The following GFRA2 variants were observed in gnomAD, a reference collection of about 807,000 sequenced individuals.
GFRA2 encodes GDNF family receptor alpha-2.
In GFRA2, 17 loss-of-function variants were observed where a neutral mutation model predicts 48.3. That is an observed-to-expected ratio of 0.35 (90% CI 0.24 to 0.53). The LOEUF (loss-of-function observed/expected upper bound fraction) is 0.53, where lower values mean the gene tolerates loss of function less well. Ranked by LOEUF, GFRA2 falls within the 20% of genes least tolerant of loss-of-function variation. The pLI is 0.93. For synonymous variants in GFRA2, 305 were observed against 257.2 expected, an observed-to-expected ratio of 1.19 and a Z score of -1.78; for missense variants, 660 against 637.3, an observed-to-expected ratio of 1.04 and a Z score of -0.38.
intron 4 of GFRA2, among the ~76,000 whole-genome samples, chr8:21,749,149 C>T (rs777228846): frequency 3.3e-5 from 5 of 151,888 alleles, no homozygotes; most frequent in Admixed American, 2.6e-4. Flanking sequence ...TCAATAAATA[C>T]TTAGCAAACA....
At position 21,694,042 on chromosome 8, in the gene GFRA2, GAT is replaced by G. The variant is rs139986722; in HGVS notation, c.1272+420_1272+421del. Among the ~76,000 whole-genome samples the G allele has an allele frequency of 1.8e-3, 208 of 118,396 alleles. 5 individuals carry two copies. The highest frequency in any genetic ancestry group is 5.7e-3 in the African/African-American group (183 of 32,044). 77.7% of individuals were successfully genotyped at this position (118,396 alleles called of 152,430 possible). On this transcript the variant is annotated intron_variant, in intron 8 of 8. Coordinates refer to ENST00000524240, the MANE Select transcript of GFRA2 (RefSeq NM_001495.5). ...ATTTATATATACGTCATATATATGA[GAT>G]ATATATATATTTATATATATATTTA...
At chr8:21,720,745 C>G (rs78857517) in intron 4 of GFRA2, among the ~76,000 whole-genome samples, 3,284 of 152,250 alleles carry the variant, frequency 0.022, 106 homozygotes, top group African/African-American at 0.074. Flanking sequence ...CCTCAGGTAC[C>G]AGGTCTTCCA....
At chr8:21,796,930 C>T (rs1211908986) in intron 2 of GFRA2, among the ~76,000 whole-genome samples, 2 of 152,178 alleles carry the variant, frequency 1.3e-5, no homozygotes, top group Non-Finnish European at 2.9e-5. Flanking sequence ...TGCAAGTTTG[C>T]CTCCCTTGGG....
intron 5 of GFRA2, among the ~76,000 whole-genome samples, chr8:21,705,383 T>G (rs1037955414): frequency 3.3e-5 from 5 of 152,156 alleles, no homozygotes; most frequent in African/African-American, 1.2e-4. Context: ...GAAGATGCCC[T>G]GGAGCCCCTC....
intron 1 of GFRA2, among the ~76,000 whole-genome samples, chr8:21,786,739 G>A (rs1243989560): frequency 2.0e-5 from 3 of 152,202 alleles, no homozygotes; most frequent in Non-Finnish European, 2.9e-5. Context: ...CAGGCAGAGA[G>A]TCCAGAGCCT....
At chr8:21,730,017 G>C (rs1004690061) in intron 4 of GFRA2, among the ~76,000 whole-genome samples, 12 of 152,066 alleles carry the variant, frequency 7.9e-5, no homozygotes, top group Non-Finnish European at 1.8e-4. Context: ...GGAGCTGCAG[G>C]GTGGACCTCG....
chr8:21,783,695 CGA>C (rs1406349731), intron 1 of GFRA2, among the ~76,000 whole-genome samples: 2 of 151,968 alleles, frequency 1.3e-5, no homozygotes, highest in African/African-American at 2.4e-5. Context: ...TCTCCTCTTC[CGA>C]GAGACAAGTT....
intron 4 of GFRA2, among the ~76,000 whole-genome samples, chr8:21,744,177 C>G (rs1563242167): frequency 6.6e-6 from 1 of 152,182 alleles, no homozygotes; most frequent in Non-Finnish European, 1.5e-5. Context: ...ATACTGAACA[C>G]CCCCCATGCT....
chr8:21,747,598 C>T (rs1159113458), intron 4 of GFRA2, among the ~76,000 whole-genome samples: 1 of 152,090 alleles, frequency 6.6e-6, no homozygotes, highest in Non-Finnish European at 1.5e-5. Flanking sequence ...AGTACCACTT[C>T]CCCTTCAGTG....
intron 3 of GFRA2, among the ~76,000 whole-genome samples, chr8:21,763,577 C>T (rs1017121042): frequency 1.3e-5 from 2 of 152,114 alleles, no homozygotes; most frequent in African/African-American, 4.8e-5. Context: ...TCCCCACTGC[C>T]GTAGTCATAT....
rs998846887 is a variant in GFRA2 at position 21,694,497 on chromosome 8, G to A, written c.1239C>T (p.Asn413=). 6.2e-7 allele frequency: 1 copy of A among 1,611,982 alleles called. No homozygotes were observed. Among genetic ancestry groups the A allele is most frequent in the Admixed American group, 1.7e-5 (1 of 59,854 alleles). ...AGCACATGCTTAACTCTTTGGAGTT[G>A]TTGGCCTTCAGCCCCTGCTCCTGCG... ...TSVQEQGLKA[N]NSKELSMCFT... The change falls in exon 8 of 9, where the codon AAC becomes AAT. Residue 413 remains asparagine, a synonymous_variant. Coordinates refer to ENST00000524240, the MANE Select transcript of GFRA2 (RefSeq NM_001495.5).
In GFRA2 at chr8:21,699,417, G is replaced by C. The variant is rs145596967; in HGVS notation, c.1218+3388C>G. 2.6e-5 allele frequency among the ~76,000 whole-genome samples: 4 copies of C among 152,352 alleles called. No homozygotes were observed. In the East Asian group the frequency reaches 7.7e-4, roughly 29 times the overall value. ...TCCAAATCACAGGTGGGCAGGTGGA[G>C]ATGGGGAAGCAAAGGAGATGGTATG... On this transcript the variant is annotated intron_variant, in intron 7 of 8. Transcript: ENST00000524240.
At chr8:21,738,340 T>C (rs1804584954) in intron 4 of GFRA2, among the ~76,000 whole-genome samples, 3 of 150,984 alleles carry the variant, frequency 2.0e-5, no homozygotes, top group South Asian at 2.1e-4. Context: ...AGTGAGGCCC[T>C]GGGAGCTGAC....
At position 21,702,937 on chromosome 8, in the gene GFRA2, G is replaced by A. The variant is rs117552912; in HGVS notation, c.1086C>T (p.Asn362=). ...IQAFGNGTDV[N]VSPKGPSFQA... ...GGAACGAGGGGCCTTTTGGGGACAC[G>A]TTCACGTCCGTGCCGTTGCCAAAGG... is the stretch of plus-strand genomic sequence containing the variant. Residue 362 remains asparagine (N), a synonymous_variant, in exon 7 of 9, where the codon AAC becomes AAT. Transcript: ENST00000524240. The A allele has an allele frequency of 1.1e-5, 17 of 1,567,298 alleles. No homozygotes were observed. The highest frequency in any genetic ancestry group is 9.8e-5 in the South Asian group (8 of 81,534).
chr8:21,780,374 G>A (rs2117732190), intron 2 of GFRA2, among the ~76,000 whole-genome samples: 2 of 152,114 alleles, frequency 1.3e-5, no homozygotes, highest in South Asian at 4.2e-4. Context: ...CCTCTCCTCT[G>A]GGATGAACCC....
intron 8 of GFRA2, 62 bp downstream of exon 8, chr8:21,694,402 G>T: frequency 1.3e-6 from 2 of 1,493,290 alleles, no homozygotes; most frequent in Non-Finnish European, 1.8e-6. Flanking sequence ...GGCTCGCCGG[G>T]GAAATGCCGC....
intron 3 of GFRA2, among the ~76,000 whole-genome samples, chr8:21,773,019 G>T (rs1181991319): frequency 6.6e-6 from 1 of 152,202 alleles, no homozygotes; most frequent in Non-Finnish European, 1.5e-5. Flanking sequence ...GGCCACCAGG[G>T]TGTGCCCACC....
chr8:21,773,793 G>C (rs910546629), intron 3 of GFRA2, among the ~76,000 whole-genome samples: 1 of 152,238 alleles, frequency 6.6e-6, no homozygotes, highest in Non-Finnish European at 1.5e-5. Context: ...GTTTACAGCA[G>C]TGCTTCTCAA....
chr8:21,748,777 A>T (rs1173431015), intron 4 of GFRA2, among the ~76,000 whole-genome samples: 2 of 152,148 alleles, frequency 1.3e-5, no homozygotes, highest in Admixed American at 6.5e-5. Flanking sequence ...CTATCTATAA[A>T]CACCTGCACC....
Sources: gnomAD v4.1 joint callset for allele counts (sites outside exome capture counted in the v4.1 genomes callset) on GRCh38, gnomAD v4.1.1 for gene constraint, MANE v1.5 for transcripts, NCBI Gene and HGNC (gene_info 2026-07-23, HGNC 2026-07-21) for gene names.